The following ATP11C variants were observed in gnomAD, a reference collection of about 807,000 sequenced individuals.
The protein encoded by ATP11C is phospholipid-transporting ATPase IG.
ATP11C carries 36 observed loss-of-function variants against 97.4 expected under a neutral mutation model. The observed-to-expected ratio is 0.37, with a 90% confidence interval of 0.28 to 0.49. The LOEUF (loss-of-function observed/expected upper bound fraction) is 0.49, where lower values mean the gene tolerates loss of function less well. Among genes scored for constraint, ATP11C ranks in the 20% least tolerant of loss-of-function variants. The pLI, the probability that ATP11C is intolerant of heterozygous loss-of-function variation, is 0.98. For missense variants in ATP11C, 730 were observed against 824.6 expected (o/e 0.89, Z 1.40); for synonymous variants, 275 against 290.9 (o/e 0.95, Z 0.56).
At chrX:139,750,258 T>G (rs1372488938) in intron 23 of ATP11C, 106 bp from the exon 24 acceptor site, 1 of 785,699 alleles carries the variant, frequency 1.3e-6, no homozygotes, top group African/African-American at 2.1e-5. Context: ...AAGAAATTTT[T>G]TTACATGCTT....
chrX:139,774,392 T>C (rs1432241958), intron 19 of ATP11C, among the ~76,000 whole-genome samples: 2 of 112,249 alleles, frequency 1.8e-5, no homozygotes, highest in African/African-American at 6.5e-5. Flanking sequence ...TTTCTTAACA[T>C]GGACCAGGCC....
At chrX:139,742,387 T>C (rs781464783) in intron 26 of ATP11C, among the ~76,000 whole-genome samples, 13 of 111,574 alleles carry the variant, frequency 1.2e-4, no homozygotes, top group Non-Finnish European at 2.3e-4. Context: ...CTGAGATGAA[T>C]TGTAATGTCC....
intron 1 of ATP11C, among the ~76,000 whole-genome samples, chrX:139,889,799 G>A (rs979797335): frequency 1.9e-4 from 21 of 111,912 alleles, no homozygotes; most frequent in African/African-American, 6.8e-4. Context: ...GTGTAAAAAC[G>A]GGCTCTGGTA....
At position 139,923,510 on chromosome X, in the gene ATP11C, T is replaced by C. The variant is rs986942588; in HGVS notation, c.27+8506A>G. Reference sequence around the variant, plus strand: ...CCTTACACACCTCTACAGCACCAAATAGGGGATGAGTGTTCCAAGAAAGCT... The same window carrying C: ...CCTTACACACCTCTACAGCACCAAACAGGGGATGAGTGTTCCAAGAAAGCT... On this transcript the variant is annotated intron_variant, in intron 1 of 29. Transcript: ENST00000682941. Among the ~76,000 whole-genome samples, 3 of 112,089 alleles carry C rather than the reference T, an allele frequency of 2.7e-5. No individual in the cohort carries two copies. The Admixed American group carries it at 2.9e-4, about 11-fold the overall frequency.
chrX:139,812,604 G>T (rs757566718), intron 5 of ATP11C, among the ~76,000 whole-genome samples: 1 of 107,939 alleles, frequency 9.3e-6, no homozygotes, highest in African/African-American at 3.4e-5. Context: ...GAGTGCAGTG[G>T]CTCGATCTCG....
At chrX:139,739,345 A>G (rs1391835564) in intron 27 of ATP11C, among the ~76,000 whole-genome samples, 1 of 109,670 alleles carries the variant, frequency 9.1e-6, no homozygotes, top group Non-Finnish European at 1.9e-5. Context: ...AGGGCAGTAA[A>G]AAATAAACAC....
At chrX:139,738,095 G>A in intron 27 of ATP11C, 26 bp from the exon 28 acceptor site, 2 of 1,132,686 alleles carry the variant, frequency 1.8e-6, no homozygotes, top group Non-Finnish European at 2.4e-6. Context: ...AATACATGAT[G>A]GAAAAACAAA....
chrX:139,739,408 AC>A (rs1447591757), intron 27 of ATP11C, among the ~76,000 whole-genome samples: 1 of 109,909 alleles, frequency 9.1e-6, no homozygotes, highest in Non-Finnish European at 1.9e-5. Flanking sequence ...TCACTACCCA[AC>A]CCCAAAGACG....
At chrX:139,796,549 TC>T in intron 11 of ATP11C, 79 bp from the exon 12 acceptor site, 4 of 667,369 alleles carry the variant, frequency 6.0e-6, no homozygotes, top group Non-Finnish European at 9.0e-6. Context: ...AGAATTAATT[TC>T]ATCTTTATTT....
chrX:139,824,823 A>G (rs1379198944), intron 2 of ATP11C, among the ~76,000 whole-genome samples: 1 of 112,377 alleles, frequency 8.9e-6, no homozygotes, highest in African/African-American at 3.2e-5. Context: ...GCGGCATCCA[A>G]TTAAGATAGT....
At chrX:139,891,159 TAAAG>T (rs1259693132) in intron 1 of ATP11C, among the ~76,000 whole-genome samples, 8 of 39,894 alleles carry the variant, frequency 2.0e-4, no homozygotes, top group Non-Finnish European at 3.6e-4. Context: ...AAGATTTGCA[TAAAG>T]AAAGATGATT....
chrX:139,782,389 G>A (rs2082481661), intron 18 of ATP11C, among the ~76,000 whole-genome samples, 158 bp downstream of exon 18: 1 of 110,059 alleles, frequency 9.1e-6, no homozygotes, highest in African/African-American at 3.3e-5. Context: ...CTCAAAATCT[G>A]GTGTAATTTT....
At chrX:139,876,654 A>G (rs1311975822) in intron 1 of ATP11C, among the ~76,000 whole-genome samples, 1 of 112,232 alleles carries the variant, frequency 8.9e-6, no homozygotes, top group African/African-American at 3.2e-5. Context: ...TGCCAATTTT[A>G]ATCCTGAGCT....
intron 1 of ATP11C, chrX:139,832,348 G>A (rs1455436498): frequency 3.8e-6 from 4 of 1,054,890 alleles, no homozygotes; most frequent in East Asian, 6.8e-5. Flanking sequence ...GTACTTCCAT[G>A]GGAGGCAGCA....
At chrX:139,870,148 T>A (rs1362342713) in intron 1 of ATP11C, among the ~76,000 whole-genome samples, 1 of 111,694 alleles carries the variant, frequency 9.0e-6, no homozygotes, top group Non-Finnish European at 1.9e-5. Flanking sequence ...GTTTCATGGG[T>A]GTATGCATAT....
At chrX:139,812,584 AC>A (rs754364338) in intron 5 of ATP11C, among the ~76,000 whole-genome samples, 54 of 105,068 alleles carry the variant, frequency 5.1e-4, no homozygotes, top group African/African-American at 1.8e-3. Context: ...TCACTCTGTC[AC>A]CCAGGCTGGA....
At chrX:139,837,859 A>C (rs1247426224) in intron 1 of ATP11C, among the ~76,000 whole-genome samples, 2 of 112,182 alleles carry the variant, frequency 1.8e-5, no homozygotes, top group East Asian at 5.5e-4. Flanking sequence ...GTTCCCAGTC[A>C]TTTACTATAA....
chrX:139,755,959 A>G (rs1315661981), intron 23 of ATP11C, among the ~76,000 whole-genome samples: 2 of 112,610 alleles, frequency 1.8e-5, no homozygotes, highest in East Asian at 5.6e-4. Flanking sequence ...TAGCAACAAA[A>G]ACAAAAACTG....
At chrX:139,834,093 C>T (rs2083708620) in intron 1 of ATP11C, among the ~76,000 whole-genome samples, 1 of 112,061 alleles carries the variant, frequency 8.9e-6, no homozygotes, top group African/African-American at 3.2e-5. Context: ...TCTGGCTCTA[C>T]AGAAGAGGCA....
Sources: allele counts gnomAD v4.1 joint callset (sites outside exome capture counted in the v4.1 genomes callset), GRCh38; gene constraint gnomAD v4.1.1; transcripts MANE v1.5; gene names NCBI Gene and HGNC (gene_info 2026-07-23, HGNC 2026-07-21).